The following BTG2 variants were observed in gnomAD, a reference collection of about 807,000 sequenced individuals.
BTG2 encodes the protein protein BTG2.
Under a neutral mutation model 13.1 loss-of-function variants are expected in BTG2, and 9 were observed. That is an observed-to-expected ratio of 0.69 (90% CI 0.41 to 1.20). The LOEUF is 1.20. Among genes scored for constraint, BTG2 ranks in the 50% most tolerant of loss-of-function variants. The pLI is 0.00. For synonymous variants in BTG2, 92 were observed against 88.6 expected, an observed-to-expected ratio of 1.04 and a Z score of -0.21; for missense variants, 200 against 209.5, an observed-to-expected ratio of 0.95 and a Z score of 0.28.
Position 203,308,903 on chromosome 1 carries a change from C to T in BTG2, c.*1465C>T, listed in dbSNP as rs1296771709. ...TTTCTCAGTGACATTGATGAGGGGT[C>T]CTCAAAAGACCTCGAGTTTCCCAAA... On this transcript the variant is annotated 3_prime_UTR_variant, in exon 2 of 2. Transcript: ENST00000290551. 6.6e-6 allele frequency: 1 copy of T among 152,594 alleles called. No individual in the cohort carries two copies. The highest frequency in any genetic ancestry group is 2.4e-5 in the African/African-American group (1 of 41,424). The allele number at this position is 152,594 out of a possible 1,614,324, so 9.5% of individuals were successfully genotyped here.
Position 203,305,700 on chromosome 1 carries a change from G to C in BTG2, c.94G>C (p.Glu32Gln), listed in dbSNP as rs772251147. The change falls in exon 1 of 2, where the codon GAG (glutamate) becomes CAG (glutamine). Residue 32 changes from glutamate to glutamine, a missense_variant. Glu to Gln is a conservative substitution (Grantham distance 29). Coordinates refer to ENST00000290551, the MANE Select transcript of BTG2 (RefSeq NM_006763.3). The stretch of plus-strand genomic sequence containing the variant: ...CCTGAGGACCCGGGGCTGCGTGAGC[G>C]AGCAGAGGCTTAAGGTCTTCAGCGG... ...SLLRTRGCVS[E>Q]QRLKVFSGAL... 7.1e-6 allele frequency: 11 copies of C among 1,556,098 alleles called. No individual in the cohort carries two copies. Among genetic ancestry groups the C allele is most frequent in the Non-Finnish European group, 9.6e-6 (11 of 1,149,704 alleles).
In BTG2 at chr1:203,307,093, T is replaced by C; in HGVS notation, c.143-11T>C. On this transcript the variant is annotated splice_polypyrimidine_tract_variant and intron_variant, in intron 1 of 1. Coordinates refer to ENST00000290551, the MANE Select transcript of BTG2 (RefSeq NM_006763.3). ...TAACCAGGGCATCTGCCCCTGGTCC[T>C]GTCTCCACAGAGCACTACAAACACC... The C allele has an allele frequency of 6.2e-7, 1 of 1,611,798 alleles. No homozygotes were observed.
Position 203,305,590 on chromosome 1 carries a change from C to G in BTG2, c.-17C>G. ...TTCCCACCCGAGACCTCTCACTGAGCCCGAGCCGCGCGCGACATGAGCCAC... is the reference window on the plus strand; with the variant it reads ...TTCCCACCCGAGACCTCTCACTGAGGCCGAGCCGCGCGCGACATGAGCCAC... On this transcript the variant is annotated 5_prime_UTR_variant, in exon 1 of 2. Coordinates refer to ENST00000290551, the MANE Select transcript of BTG2 (RefSeq NM_006763.3). The G allele has an allele frequency of 3.1e-6, 5 of 1,600,150 alleles. No individual in the cohort carries two copies. Among genetic ancestry groups the G allele is most frequent in the Non-Finnish European group, 4.3e-6 (5 of 1,173,210 alleles).
intron 1 of BTG2, among the ~76,000 whole-genome samples, 158 bp downstream of exon 1, chr1:203,305,906 C>T (rs41306227): frequency 0.074 from 11,218 of 152,154 alleles, 465 homozygotes; most frequent in East Asian, 0.12. Context: ...TCCCCAGTTT[C>T]CTGGGTCCTC....
At position 203,308,739 on chromosome 1, in the gene BTG2, C is replaced by T. The variant is rs1658329353; in HGVS notation, c.*1301C>T. ...AAACCTTGGGCACTGTTTTTTCTCC[C>T]TGGTGCTCAGAGCACCTGTGGGAAA... is the stretch of plus-strand genomic sequence containing the variant. On this transcript the variant is annotated 3_prime_UTR_variant, in exon 2 of 2. Transcript: ENST00000290551. 1 of 152,700 alleles carries T rather than the reference C, an allele frequency of 6.5e-6. No homozygotes were observed. The highest frequency in any genetic ancestry group is 2.4e-5 in the African/African-American group (1 of 41,462). 9.5% of individuals were successfully genotyped at this position (152,700 alleles called of 1,614,324 possible).
Position 203,307,784 on chromosome 1 carries a change from C to T in BTG2, c.*346C>T. ...CACCCCAGGAAGATGTGAGAGGGAG[C>T]AAGCAAGGTTAGCAACTGTGAACAG... On this transcript the variant is annotated 3_prime_UTR_variant, in exon 2 of 2. Transcript: ENST00000290551. 1 of 168,624 alleles carries T rather than the reference C, an allele frequency of 5.9e-6. No homozygotes were observed. Among genetic ancestry groups the T allele is most frequent in the Non-Finnish European group, 1.3e-5 (1 of 79,222 alleles). 10.4% of individuals were successfully genotyped at this position (168,624 alleles called of 1,614,324 possible). A position where few individuals can be genotyped will look rare whatever the true frequency, so the allele number is the denominator to read the frequency against.
chr1:203,307,104 A>G lies in BTG2; in HGVS notation c.143A>G (p.Glu48Gly). The G allele has an allele frequency of 6.2e-7, 1 of 1,613,540 alleles. No homozygotes were observed. The highest frequency in any genetic ancestry group is 8.5e-7 in the Non-Finnish European group (1 of 1,179,608). ...FSGALQEALT[E>G]HYKHHWFPEK... ...TCTGCCCCTGGTCCTGTCTCCACAG[A>G]GCACTACAAACACCACTGGTTTCCC... is the stretch of plus-strand genomic sequence containing the variant. Residue 48 changes from glutamate to glycine, a missense_variant and splice_region_variant, in exon 2 of 2, where the codon GAG becomes GGG. Glu to Gly is a moderately conservative substitution (Grantham distance 98, BLOSUM62 -2). Coordinates refer to ENST00000290551, the MANE Select transcript of BTG2 (RefSeq NM_006763.3).
chr1:203,306,307 T>G (rs1558183492), intron 1 of BTG2, among the ~76,000 whole-genome samples: 1 of 152,214 alleles, frequency 6.6e-6, no homozygotes, highest in African/African-American at 2.4e-5. Flanking sequence ...ATCTGCCACC[T>G]ATTGTGGTAG....
Position 203,307,223 on chromosome 1 carries a change from A to T in BTG2, c.262A>T (p.Ser88Cys), listed in dbSNP as rs531539821. The change falls in exon 2 of 2, where the codon AGC becomes TGC. Residue 88 changes from serine to cysteine, a missense_variant. Ser to Cys is a moderately radical substitution (Grantham distance 112). Coordinates refer to ENST00000290551, the MANE Select transcript of BTG2 (RefSeq NM_006763.3). ...ISRVASQIGL[S>C]QPQLHQLLPS... ...CAGGGTGGCCAGCCAGATCGGACTC[A>T]GCCAGCCCCAGCTGCACCAGCTGCT... 1.2e-5 allele frequency: 19 copies of T among 1,614,234 alleles called. No individual in the cohort carries two copies. In the East Asian group the frequency reaches 4.0e-4, roughly 34 times the overall value.
chr1:203,305,984 G>A (rs1658252709), intron 1 of BTG2, among the ~76,000 whole-genome samples: 2 of 152,170 alleles, frequency 1.3e-5, no homozygotes, highest in Non-Finnish European at 2.9e-5. Context: ...TACGCTCTCG[G>A]AGGCGCAGAC....
Position 203,307,226 on chromosome 1 carries a change from C to G in BTG2, c.265C>G (p.Gln89Glu). The change falls in exon 2 of 2, where the codon CAG becomes GAG. Residue 89 changes from glutamine to glutamate, a missense_variant. By Grantham distance (29) the Gln-to-Glu change is conservative (BLOSUM62 2). Transcript: ENST00000290551. ...SRVASQIGLS[Q>E]PQLHQLLPSE... ...GGTGGCCAGCCAGATCGGACTCAGC[C>G]AGCCCCAGCTGCACCAGCTGCTGCC... 2 of 1,614,228 alleles carry G rather than the reference C, an allele frequency of 1.2e-6. No homozygotes were observed. Among genetic ancestry groups the G allele is most frequent in the Non-Finnish European group, 8.5e-7 (1 of 1,180,034 alleles).
chr1:203,305,915 T>G (rs1658250246), intron 1 of BTG2, among the ~76,000 whole-genome samples, 167 bp downstream of exon 1: 1 of 151,914 alleles, frequency 6.6e-6, no homozygotes, highest in East Asian at 1.9e-4. Flanking sequence ...TCCTGGGTCC[T>G]CCTCCCCAGC....
rs374383359 is a variant in BTG2 at position 203,305,572 on chromosome 1, C to G, written c.-35C>G. On this transcript the variant is annotated 5_prime_UTR_variant, in exon 1 of 2. Coordinates refer to ENST00000290551, the MANE Select transcript of BTG2 (RefSeq NM_006763.3). The stretch of plus-strand genomic sequence containing the variant: ...TGTCTTGTGGACCCGCACTTCCCAC[C>G]CGAGACCTCTCACTGAGCCCGAGCC... The G allele has an allele frequency of 1.3e-6, 2 of 1,591,518 alleles. No individual in the cohort carries two copies. The highest frequency in any genetic ancestry group is 1.3e-5 in the African/African-American group (1 of 74,092).
At position 203,307,481 on chromosome 1, in the gene BTG2, C is replaced by A; in HGVS notation, c.*43C>A. On this transcript the variant is annotated 3_prime_UTR_variant, in exon 2 of 2. Transcript: ENST00000290551. ...CTGGGCGCCGCCGTGCTCATGCTGCCGTGACAACAGGCCACCACATACCTC... is the reference window on the plus strand; with the variant it reads ...CTGGGCGCCGCCGTGCTCATGCTGCAGTGACAACAGGCCACCACATACCTC... 6.6e-7 allele frequency: 1 copy of A among 1,507,742 alleles called. No homozygotes were observed. Among genetic ancestry groups the A allele is most frequent in the Non-Finnish European group, 8.9e-7 (1 of 1,117,980 alleles). The allele number at this position is 1,507,742 out of a possible 1,614,324, so 93.4% of individuals were successfully genotyped here.
At chr1:203,306,980 A>G (rs981556162) in intron 1 of BTG2, 124 bp from the exon 2 acceptor site, 9 of 772,800 alleles carry the variant, frequency 1.2e-5, no homozygotes, top group Non-Finnish European at 1.9e-5. Context: ...AGAGGAATCC[A>G]CCTCCCTTAC....
Position 203,305,621 on chromosome 1 carries a change from G to T in BTG2, c.15G>T (p.Lys5Asn), listed in dbSNP as rs975093188. 2 of 1,601,364 alleles carry T rather than the reference G, an allele frequency of 1.2e-6. No homozygotes were observed. Among genetic ancestry groups the T allele is most frequent in the Non-Finnish European group, 1.7e-6 (2 of 1,174,282 alleles). Residue 5 changes from lysine to asparagine, a missense_variant, in exon 1 of 2, where the codon AAG (lysine) becomes AAT (asparagine). Physicochemically the swap from Lys to Asn is moderately conservative, Grantham distance 94. Coordinates refer to ENST00000290551, the MANE Select transcript of BTG2 (RefSeq NM_006763.3). ...CCGCGCGCGACATGAGCCACGGGAA[G>T]GGAACCGACATGCTCCCGGAGATCG... is the stretch of plus-strand genomic sequence containing the variant. Reference protein sequence around the residue: MSHGKGTDMLPEIAA... With the variant: MSHGNGTDMLPEIAA...
chr1:203,305,790 C>CAA (rs1433813992), intron 1 of BTG2, 42 bp downstream of exon 1: 1 of 1,527,756 alleles, frequency 6.5e-7, no homozygotes, highest in Non-Finnish European at 8.8e-7. Flanking sequence ...GGGGGTCGGC[C>CAA]CCATCCCTGC....
At chr1:203,306,157 G>A in intron 1 of BTG2, among the ~76,000 whole-genome samples, 1 of 152,328 alleles carries the variant, frequency 6.6e-6, no homozygotes. Flanking sequence ...GTGCAGTCGA[G>A]CCTTTTCAAC....
rs937981413 is a variant in BTG2 at position 203,307,216 on chromosome 1, C to T, written c.255C>T (p.Ile85=). 5.6e-6 allele frequency: 9 copies of T among 1,614,144 alleles called. No homozygotes were observed. Among genetic ancestry groups the T allele is most frequent in the Non-Finnish European group, 7.6e-6 (9 of 1,180,056 alleles). Residue 85 remains isoleucine, a synonymous_variant, in exon 2 of 2, where the codon ATC becomes ATT. Transcript: ENST00000290551. ...DPIISRVASQ[I]GLSQPQLHQL... is the part of the protein sequence containing the mutation. ...TCATCAGCAGGGTGGCCAGCCAGATCGGACTCAGCCAGCCCCAGCTGCACC... is the reference window on the plus strand; with the variant it reads ...TCATCAGCAGGGTGGCCAGCCAGATTGGACTCAGCCAGCCCCAGCTGCACC...
Sources: allele counts gnomAD v4.1 joint callset (sites outside exome capture counted in the v4.1 genomes callset), GRCh38; gene constraint gnomAD v4.1.1; transcripts MANE v1.5; gene names NCBI Gene and HGNC (gene_info 2026-07-23, HGNC 2026-07-21).